XPR1: variants seen among roughly 807,000 people sequenced by gnomAD.
The protein encoded by XPR1 is solute carrier family 53 member 1.
A neutral mutation model predicts 87.5 loss-of-function variants in XPR1; 28 were observed. The ratio of observed to expected loss-of-function variants is 0.32; its 90% CI spans 0.24 to 0.44. XPR1 has a LOEUF of 0.44. XPR1 is among the 20% of genes least tolerant of loss of function. The pLI, the probability that XPR1 is intolerant of heterozygous loss-of-function variation, is 1.00. For missense variants in XPR1, 559 were observed against 862.3 expected (o/e 0.65, Z 4.41); for synonymous variants, 300 against 306.1 (o/e 0.98, Z 0.21).
intron 1 of XPR1, among the ~76,000 whole-genome samples, chr1:180,646,753 G>T (rs186084591): frequency 2.0e-4 from 30 of 152,286 alleles, no homozygotes; most frequent in Admixed American, 2.0e-3. Flanking sequence ...AATGCGCAGT[G>T]CAGGAAAGAG....
At chr1:180,859,575 T>C (rs1253784895) in intron 11 of XPR1, among the ~76,000 whole-genome samples, 1 of 152,106 alleles carries the variant, frequency 6.6e-6, no homozygotes, top group African/African-American at 2.4e-5. Context: ...CATTCTTCAC[T>C]TGAGAGATGG....
chr1:180,739,474 G>A (rs149087463), intron 2 of XPR1, among the ~76,000 whole-genome samples: 2,974 of 152,036 alleles, frequency 0.02, 33 homozygotes, highest in Non-Finnish European at 0.03. Context: ...AAATATTTCT[G>A]GCATATCAAT....
intron 7 of XPR1, among the ~76,000 whole-genome samples, chr1:180,818,366 T>G (rs10914111): frequency 0.31 from 47,289 of 150,948 alleles, 8,148 homozygotes; most frequent in Non-Finnish European, 0.38. Flanking sequence ...ATTTGCTTAC[T>G]AACACAACCT....
intron 2 of XPR1, among the ~76,000 whole-genome samples, chr1:180,730,597 A>G (rs991373542): frequency 5.3e-5 from 8 of 152,102 alleles, no homozygotes; most frequent in African/African-American, 1.9e-4. Context: ...AGGCTCTATC[A>G]CAGCTACTTG....
chr1:180,710,202 A>C (rs534619540), intron 2 of XPR1, among the ~76,000 whole-genome samples: 132 of 141,714 alleles, frequency 9.3e-4, no homozygotes, highest in African/African-American at 3.6e-3. Context: ...TGTTTAATTT[A>C]GTTTTTTTTT....
At chr1:180,759,564 G>T (rs565201786) in intron 2 of XPR1, among the ~76,000 whole-genome samples, 327 of 152,222 alleles carry the variant, frequency 2.1e-3, no homozygotes, top group Non-Finnish European at 3.6e-3. Flanking sequence ...GACTAAACCA[G>T]GAAGAAGTTG....
At chr1:180,767,730 G>A (rs775680425) in intron 2 of XPR1, among the ~76,000 whole-genome samples, 12 of 152,050 alleles carry the variant, frequency 7.9e-5, no homozygotes, top group Non-Finnish European at 1.0e-4. Context: ...TGTACAGTAC[G>A]TACACATGCA....
chr1:180,777,352 A>T (rs893366501), intron 2 of XPR1, among the ~76,000 whole-genome samples: 3 of 152,138 alleles, frequency 2.0e-5, no homozygotes, highest in Non-Finnish European at 4.4e-5. Flanking sequence ...TCCTTCAAAA[A>T]TGTCTCATTG....
Position 180,682,478 on chromosome 1 carries a change from G to A in XPR1, c.121+67G>A, listed in dbSNP as rs143202929. The A allele has an allele frequency of 0.014, 18,497 of 1,338,454 alleles. 192 individuals are homozygous for A. Among genetic ancestry groups the A allele is most frequent in the Middle Eastern group, 0.021 (112 of 5,276 alleles). The allele number at this position is 1,338,454 out of a possible 1,614,324, so 82.9% of individuals were successfully genotyped here. On this transcript the variant is annotated intron_variant, in intron 2 of 14. Transcript: ENST00000367590. ...TTTTTAAGGAAAGATATTTTGTACT[G>A]CAGAGTATAAAACTAATATGATAAC...
intron 10 of XPR1, 105 bp from the exon 11 acceptor site, chr1:180,836,417 G>GT (rs1394709842): frequency 1.0e-5 from 12 of 1,204,452 alleles, no homozygotes; most frequent in African/African-American, 1.5e-5. Context: ...GATTCTGAAG[G>GT]TTTTTTGCTT....
At chr1:180,682,081 A>G (rs1656595995) in intron 1 of XPR1, among the ~76,000 whole-genome samples, 1 of 152,126 alleles carries the variant, frequency 6.6e-6, no homozygotes, top group South Asian at 2.1e-4. Context: ...TTCTTAGTCA[A>G]GAGAGTTTAT....
intron 7 of XPR1, among the ~76,000 whole-genome samples, chr1:180,821,404 T>C (rs1007043054): frequency 1.3e-5 from 2 of 152,224 alleles, no homozygotes; most frequent in Non-Finnish European, 2.9e-5. Flanking sequence ...ATTCCATTCA[T>C]CTATATGTCT....
intron 7 of XPR1, among the ~76,000 whole-genome samples, chr1:180,817,346 A>T (rs574788544): frequency 6.6e-6 from 1 of 152,200 alleles, no homozygotes; most frequent in Non-Finnish European, 1.5e-5. Flanking sequence ...TACAATGTGT[A>T]TAAAGTCCGC....
intron 11 of XPR1, among the ~76,000 whole-genome samples, chr1:180,855,481 A>G (rs563133595): frequency 6.6e-6 from 1 of 152,102 alleles, no homozygotes; most frequent in Non-Finnish European, 1.5e-5. Context: ...CCTGGCCAAC[A>G]TGGTGAAACC....
At chr1:180,813,645 T>C (rs957657341) in intron 7 of XPR1, among the ~76,000 whole-genome samples, 4 of 152,130 alleles carry the variant, frequency 2.6e-5, no homozygotes, top group African/African-American at 4.8e-5. Context: ...TTAAATGATA[T>C]TTAGAAAACA....
chr1:180,877,502 A>G (rs1178570228), intron 13 of XPR1, among the ~76,000 whole-genome samples: 1 of 152,214 alleles, frequency 6.6e-6, no homozygotes. Flanking sequence ...CCCAGCTCCT[A>G]CTGTATACTG....
intron 2 of XPR1, among the ~76,000 whole-genome samples, chr1:180,708,601 A>G (rs980022363): frequency 2.0e-5 from 3 of 151,762 alleles, no homozygotes; most frequent in Admixed American, 6.6e-5. Context: ...TTTTTAACCT[A>G]TATTCCTGGC....
chr1:180,735,329 A>G (rs1658694419), intron 2 of XPR1, among the ~76,000 whole-genome samples: 2 of 152,228 alleles, frequency 1.3e-5, no homozygotes, highest in Non-Finnish European at 2.9e-5. Context: ...AAGAAAGAAA[A>G]TATTAGCTAA....
intron 2 of XPR1, among the ~76,000 whole-genome samples, chr1:180,692,005 T>C (rs114872672): frequency 0.034 from 5,172 of 152,208 alleles, 132 homozygotes; most frequent in African/African-American, 0.07. Context: ...TTGTCCCCTC[T>C]CCCCAGTTTC....
Sources: gnomAD v4.1 joint callset for allele counts (sites outside exome capture counted in the v4.1 genomes callset) on GRCh38, gnomAD v4.1.1 for gene constraint, MANE v1.5 for transcripts, NCBI Gene and HGNC (gene_info 2026-07-23, HGNC 2026-07-21) for gene names.